Variants in SPIN1 observed in about 807,000 individuals in gnomAD.
SPIN1 encodes the protein spindlin 1.
Under a neutral mutation model 26.0 loss-of-function variants are expected in SPIN1, and 3 were observed. The ratio of observed to expected loss-of-function variants is 0.12; its 90% CI spans 0.05 to 0.30. SPIN1 has a LOEUF of 0.30. SPIN1 is among the 10% of genes least tolerant of loss of function. The probability of loss-of-function intolerance (pLI) is 1.00; values close to 1 mark genes in which losing one functional copy is unlikely to be tolerated. For synonymous variants in SPIN1, 101 were observed against 116.5 expected (o/e 0.87, Z 0.86); for missense variants, 126 against 333.4 (o/e 0.38, Z 4.84).
rs936532950 is a variant in SPIN1 at position 88,477,392 on chromosome 9, GGTTT to G, written c.*2116_*2119del. 1.3e-5 allele frequency: 2 copies of G among 152,122 alleles called. No individual in the cohort carries two copies. Among genetic ancestry groups the G allele is most frequent in the Non-Finnish European group, 2.9e-5 (2 of 68,040 alleles). The allele number at this position is 152,122 out of a possible 1,614,324, so 9.4% of individuals were successfully genotyped here. Reference sequence around the variant, plus strand: ...AGCATTACTTAATGACTTGCATTGTGGTTTTTCTGCAAGCAACTTTAATGACTTT... The same window carrying G: ...AGCATTACTTAATGACTTGCATTGTGTTCTGCAAGCAACTTTAATGACTTT... On this transcript the variant is annotated 3_prime_UTR_variant, in exon 6 of 6. Coordinates refer to ENST00000375859, the MANE Select transcript of SPIN1 (RefSeq NM_006717.3).
At chr9:88,437,995 TAGAA>T (rs1404504266) in intron 2 of SPIN1, among the ~76,000 whole-genome samples, 5 of 151,894 alleles carry the variant, frequency 3.3e-5, no homozygotes, top group African/African-American at 9.7e-5. Flanking sequence ...CTACTAAAAA[TAGAA>T]AGATTAGCTG....
intron 4 of SPIN1, among the ~76,000 whole-genome samples, chr9:88,465,750 C>G (rs1828655351): frequency 6.6e-6 from 1 of 152,206 alleles, no homozygotes; most frequent in African/African-American, 2.4e-5. Flanking sequence ...TGCATTGTAA[C>G]TAACCTTTAA....
chr9:88,455,017 CAAT>C (rs1443396827), intron 3 of SPIN1, among the ~76,000 whole-genome samples: 7 of 152,072 alleles, frequency 4.6e-5, no homozygotes, highest in Non-Finnish European at 8.8e-5. Context: ...CTTTTGGAAA[CAAT>C]AAAATTACAT....
intron 4 of SPIN1, 87 bp downstream of exon 4, chr9:88,462,836 C>A: frequency 7.2e-7 from 1 of 1,388,536 alleles, no homozygotes; most frequent in Non-Finnish European, 9.7e-7. Context: ...ATTAATACTT[C>A]ACTTTTATTG....
At chr9:88,404,014 A>T (rs576489964) in intron 1 of SPIN1, among the ~76,000 whole-genome samples, 4 of 152,214 alleles carry the variant, frequency 2.6e-5, no homozygotes, top group Non-Finnish European at 4.4e-5. Flanking sequence ...TGGTAAGCCT[A>T]TTTGCTCCTA....
At chr9:88,444,033 C>G (rs1264526863) in intron 2 of SPIN1, among the ~76,000 whole-genome samples, 1 of 151,956 alleles carries the variant, frequency 6.6e-6, no homozygotes, top group East Asian at 1.9e-4. Flanking sequence ...TCTTTATCTC[C>G]GCCTGCCTCT....
At chr9:88,447,517 C>T (rs1828274963) in intron 2 of SPIN1, among the ~76,000 whole-genome samples, 1 of 152,112 alleles carries the variant, frequency 6.6e-6, no homozygotes, top group Non-Finnish European at 1.5e-5. Context: ...TTCCAGGCTT[C>T]CTCACATTTC....
Position 88,418,573 on chromosome 9 carries a change from A to G in SPIN1, c.-158-7809A>G, listed in dbSNP as rs142856297. On this transcript the variant is annotated intron_variant, in intron 1 of 5. Transcript: ENST00000375859. ...TTTGCTTAAACAGTTTTAGGAGTCA[A>G]TTTTCTTTTTATAAATAGCACTGTT... 1.2e-3 allele frequency among the ~76,000 whole-genome samples: 182 copies of G among 152,246 alleles called. 1 individual carries two copies. Among genetic ancestry groups the G allele is most frequent in the African/African-American group, 3.4e-3 (141 of 41,532 alleles).
chr9:88,460,454 A>G (rs1828557461), intron 3 of SPIN1, among the ~76,000 whole-genome samples: 1 of 152,152 alleles, frequency 6.6e-6, no homozygotes, highest in South Asian at 2.1e-4. Flanking sequence ...AGGGTTCTCC[A>G]GGGAAATAGA....
At chr9:88,414,351 T>G (rs1259863651) in intron 1 of SPIN1, among the ~76,000 whole-genome samples, 1 of 152,178 alleles carries the variant, frequency 6.6e-6, no homozygotes, top group Non-Finnish European at 1.5e-5. Flanking sequence ...CACCTCCACA[T>G]CCTGAGATCT....
chr9:88,402,183 G>C (rs1420340932), intron 1 of SPIN1, among the ~76,000 whole-genome samples: 1 of 152,058 alleles, frequency 6.6e-6, no homozygotes, highest in Non-Finnish European at 1.5e-5. Context: ...AGTAGAGACA[G>C]GGTTTCACCA....
intron 2 of SPIN1, among the ~76,000 whole-genome samples, chr9:88,435,066 A>G (rs1827973080): frequency 6.6e-6 from 1 of 151,728 alleles, no homozygotes; most frequent in Admixed American, 6.6e-5. Context: ...AAAAAAAAAA[A>G]GCTTATCTTT....
At chr9:88,394,363 T>G (rs12236565) in intron 1 of SPIN1, among the ~76,000 whole-genome samples, 29,115 of 152,066 alleles carry the variant, frequency 0.19, 3,688 homozygotes, top group African/African-American at 0.36. Flanking sequence ...TTATTGAGGA[T>G]TAGAATTTAG....
Position 88,475,079 on chromosome 9 carries a change from T to G in SPIN1, c.591T>G (p.Asn197Lys), listed in dbSNP as rs1358146798. Residue 197 changes from asparagine to lysine, a missense_variant and splice_region_variant, in exon 6 of 6, where the codon AAT becomes AAG. By Grantham distance (94) the Asn-to-Lys change is moderately conservative. Around this residue, in one of 7 missense-constraint regions of SPIN1, gnomAD observed 29 missense variants for 72.0 expected, o/e 0.40. Coordinates refer to ENST00000375859, the MANE Select transcript of SPIN1 (RefSeq NM_006717.3). ...TTTTTTTTTTTTTTTTTAATATAGA[T>G]GATTCACCTCCAGCAGAAAGGGAAC... ...EGDLRIMPDS[N>K]DSPPAEREPG... The G allele has an allele frequency of 6.6e-7, 1 of 1,513,340 alleles. No individual in the cohort carries two copies. Among genetic ancestry groups the G allele is most frequent in the South Asian group, 1.3e-5 (1 of 78,292 alleles). The allele number at this position is 1,513,340 out of a possible 1,614,324, so 93.7% of individuals were successfully genotyped here.
chr9:88,390,323 A>G (rs1453718815), intron 1 of SPIN1, among the ~76,000 whole-genome samples: 1 of 152,164 alleles, frequency 6.6e-6, no homozygotes, highest in Non-Finnish European at 1.5e-5. Context: ...AGGGGTCACA[A>G]TATTGATGTG....
intron 1 of SPIN1, among the ~76,000 whole-genome samples, chr9:88,425,804 A>G (rs1300949467): frequency 6.6e-6 from 1 of 152,192 alleles, no homozygotes; most frequent in Non-Finnish European, 1.5e-5. Context: ...TGTGAGCAGA[A>G]AGGGAAACTC....
At position 88,412,489 on chromosome 9, in the gene SPIN1, CTTG is replaced by C. The variant is rs199683182; in HGVS notation, c.-158-13888_-158-13886del. On this transcript the variant is annotated intron_variant, in intron 1 of 5. Transcript: ENST00000375859. ...ACCCATCAAAGACCCAGAGAGACTG[CTTG>C]TTGTCCATAGGTTTGGGCAGAGGGG... 6.8e-3 allele frequency among the ~76,000 whole-genome samples: 1,031 copies of C among 152,252 alleles called. 10 individuals carry two copies. Among genetic ancestry groups the C allele is most frequent in the Non-Finnish European group, 0.011 (737 of 68,020 alleles).
At chr9:88,414,877 T>C (rs1303986316) in intron 1 of SPIN1, among the ~76,000 whole-genome samples, 2 of 152,182 alleles carry the variant, frequency 1.3e-5, no homozygotes, top group Non-Finnish European at 2.9e-5. Context: ...CTTGGTGTTT[T>C]GATATTTAGT....
At chr9:88,398,275 A>T (rs999194269) in intron 1 of SPIN1, among the ~76,000 whole-genome samples, 1 of 151,558 alleles carries the variant, frequency 6.6e-6, no homozygotes, top group African/African-American at 2.4e-5. Context: ...AATTTTTTTG[A>T]CTTTTCTGCA....
Sources: gnomAD v4.1 joint callset for allele counts (sites outside exome capture counted in the v4.1 genomes callset) on GRCh38, gnomAD v4.1.1 for gene constraint, gnomAD v4.1.1 regional missense constraint, MANE v1.5 for transcripts, NCBI Gene and HGNC (gene_info 2026-07-23, HGNC 2026-07-21) for gene names.